The following TERF1 variants were observed in gnomAD, a reference collection of about 807,000 sequenced individuals.
The protein encoded by TERF1 is telomeric repeat-binding factor 1.
In TERF1, 20 loss-of-function variants were observed where a neutral mutation model predicts 55.1. That is an observed-to-expected ratio of 0.36 (90% confidence interval 0.26 to 0.53). TERF1 has a LOEUF of 0.53. Among genes scored for constraint, TERF1 ranks in the 20% least tolerant of loss-of-function variants. The pLI is 0.91. For missense variants in TERF1, 439 were observed against 535.7 expected, an observed-to-expected ratio of 0.82 and a Z score of 1.78; for synonymous variants, 168 against 181.2, an observed-to-expected ratio of 0.93 and a Z score of 0.59.
At chr8:73,041,496 A>G (rs1290627233) in intron 9 of TERF1, among the ~76,000 whole-genome samples, 2 of 152,148 alleles carry the variant, frequency 1.3e-5, no homozygotes, top group African/African-American at 4.8e-5. Flanking sequence ...TGTGACCTTC[A>G]TAAGTGCTTC....
chr8:73,024,107 T>C (rs1808880137), intron 4 of TERF1, among the ~76,000 whole-genome samples: 1 of 152,166 alleles, frequency 6.6e-6, no homozygotes, highest in Non-Finnish European at 1.5e-5. Flanking sequence ...AAAAAGCTAC[T>C]GTCCAAGAAA....
chr8:73,044,872 G>T (rs1435610991), intron 9 of TERF1, among the ~76,000 whole-genome samples: 1 of 151,984 alleles, frequency 6.6e-6, no homozygotes, highest in Non-Finnish European at 1.5e-5. Context: ...TCCTTTTTAA[G>T]GCTGAATTAT....
At chr8:73,017,602 T>C (rs1185144397) in intron 2 of TERF1, among the ~76,000 whole-genome samples, 1 of 152,230 alleles carries the variant, frequency 6.6e-6, no homozygotes, top group Non-Finnish European at 1.5e-5. Context: ...AGGGATTCAC[T>C]TCTGCTATTC....
At chr8:73,014,984 A>G (rs1228094892) in intron 2 of TERF1, among the ~76,000 whole-genome samples, 1 of 152,244 alleles carries the variant, frequency 6.6e-6, no homozygotes, top group African/African-American at 2.4e-5. Context: ...CTATAAGTTG[A>G]CACTGTTGTT....
At chr8:73,011,764 C>T (rs1465603472) in intron 1 of TERF1, 1 of 152,236 alleles carries the variant, frequency 6.6e-6, no homozygotes, top group African/African-American at 2.4e-5. Context: ...CTCTGTCAGC[C>T]TTCTTAGACT....
chr8:73,030,307 A>G, intron 6 of TERF1, 29 bp from the exon 7 acceptor site: 13 of 1,478,944 alleles, frequency 8.8e-6, no homozygotes, highest in South Asian at 1.3e-5. Flanking sequence ...TTTTGTTTAC[A>G]TTCTTACAAA....
At chr8:73,045,613 T>C (rs1275388894) in intron 9 of TERF1, among the ~76,000 whole-genome samples, 1 of 152,172 alleles carries the variant, frequency 6.6e-6, no homozygotes, top group Non-Finnish European at 1.5e-5. Flanking sequence ...AAAGCCTATT[T>C]GGAGATTTGG....
chr8:73,022,645 A>G (rs1454767264), intron 4 of TERF1, among the ~76,000 whole-genome samples: 3 of 152,246 alleles, frequency 2.0e-5, no homozygotes, highest in Middle Eastern at 3.4e-3. Context: ...TCCAGTAGTC[A>G]TATTAAAAAA....
intron 9 of TERF1, among the ~76,000 whole-genome samples, 195 bp downstream of exon 9, chr8:73,039,414 A>C (rs915945026): frequency 7.2e-5 from 11 of 152,172 alleles, no homozygotes; most frequent in African/African-American, 2.7e-4. Context: ...ATATTTAAAA[A>C]GTCTTAAGTT....
intron 2 of TERF1, among the ~76,000 whole-genome samples, chr8:73,016,971 A>G (rs1192832141): frequency 6.6e-6 from 1 of 152,008 alleles, no homozygotes; most frequent in Non-Finnish European, 1.5e-5. Context: ...TCTCATTTTC[A>G]TTGCTTCCAT....
chr8:73,021,432 C>G (rs1363775362), intron 3 of TERF1, among the ~76,000 whole-genome samples: 3 of 152,124 alleles, frequency 2.0e-5, no homozygotes, highest in Admixed American at 6.5e-5. Flanking sequence ...AGAGATTTGT[C>G]ATGTTATTGC....
At chr8:73,016,546 C>T (rs1808513071) in intron 2 of TERF1, among the ~76,000 whole-genome samples, 1 of 151,844 alleles carries the variant, frequency 6.6e-6, no homozygotes, top group African/African-American at 2.4e-5. Context: ...GATCCTCCTG[C>T]CTCAGCCTCC....
Position 73,019,507 on chromosome 8 carries a change from G to C in TERF1, c.416-1177G>C, listed in dbSNP as rs55812802. Among the ~76,000 whole-genome samples, 1,236 of 152,168 alleles carry C rather than the reference G, an allele frequency of 8.1e-3. 13 individuals carry two copies. The highest frequency in any genetic ancestry group is 0.028 in the African/African-American group (1,158 of 41,508). On this transcript the variant is annotated intron_variant, in intron 2 of 9. Transcript: ENST00000276603. ...CTTGCCTTTTCCATCATCTTTCTAA[G>C]AGTATGCATCCAACTTGCCCACCGA...
chr8:73,044,227 A>G (rs140078416), intron 9 of TERF1, among the ~76,000 whole-genome samples: 1 of 152,344 alleles, frequency 6.6e-6, no homozygotes, highest in African/African-American at 2.4e-5. Context: ...TTGAATAGCC[A>G]TGTACTTGTA....
chr8:73,041,038 A>T (rs1809812007), intron 9 of TERF1, among the ~76,000 whole-genome samples: 1 of 152,096 alleles, frequency 6.6e-6, no homozygotes, highest in African/African-American at 2.4e-5. Context: ...TGACATATTG[A>T]TCATAATCAT....
Position 73,029,374 on chromosome 8 carries a change from C to T in TERF1, c.888-962C>T, listed in dbSNP as rs142909952. Among the ~76,000 whole-genome samples the T allele has an allele frequency of 6.4e-3, 969 of 152,176 alleles. 9 individuals are homozygous for T. The highest frequency in any genetic ancestry group is 0.022 in the African/African-American group (907 of 41,540). On this transcript the variant is annotated intron_variant, in intron 6 of 9. Transcript: ENST00000276603. ...GAACAGTGGCTCACACCTGTAATCCCAGCACTTTGAAAGGCTGAGGCAGGA... is the reference window on the plus strand; with the variant it reads ...GAACAGTGGCTCACACCTGTAATCCTAGCACTTTGAAAGGCTGAGGCAGGA...
chr8:73,023,054 T>C (rs544440356), intron 4 of TERF1, among the ~76,000 whole-genome samples: 1 of 139,464 alleles, frequency 7.2e-6, no homozygotes, highest in South Asian at 2.4e-4. Flanking sequence ...AGTTGTACTG[T>C]TTAGGAACAA....
chr8:73,016,345 G>T (rs865848740), intron 2 of TERF1, among the ~76,000 whole-genome samples: 1 of 152,008 alleles, frequency 6.6e-6, no homozygotes, highest in South Asian at 2.1e-4. Flanking sequence ...CATGTTTGGG[G>T]TGATGTGGCT....
chr8:73,032,222 C>A, intron 8 of TERF1, 89 bp downstream of exon 8: 1 of 855,458 alleles, frequency 1.2e-6, no homozygotes, highest in Non-Finnish European at 1.8e-6. Flanking sequence ...AGCAAAAAAA[C>A]ACACACTTCA....
Sources: allele counts gnomAD v4.1 joint callset (sites outside exome capture counted in the v4.1 genomes callset), GRCh38; gene constraint gnomAD v4.1.1; transcripts MANE v1.5; gene names NCBI Gene and HGNC (gene_info 2026-07-23, HGNC 2026-07-21).